HCRTR2: variants seen among roughly 807,000 people sequenced by gnomAD.
HCRTR2 encodes the protein orexin receptor type 2.
A neutral mutation model predicts 49.0 loss-of-function variants in HCRTR2; 22 were observed. The observed-to-expected ratio is 0.45, with a 90% CI of 0.32 to 0.64. HCRTR2 has a LOEUF of 0.64. Among genes scored for constraint, HCRTR2 ranks in the 30% least tolerant of loss-of-function variants. The pLI is 0.04. For synonymous variants in HCRTR2, 236 were observed against 205.3 expected (o/e 1.15, Z -1.28); for missense variants, 491 against 559.4 (o/e 0.88, Z 1.23).
intron 1 of HCRTR2, among the ~76,000 whole-genome samples, chr6:55,210,151 T>C (rs1288624771): frequency 1.3e-5 from 2 of 152,132 alleles, no homozygotes; most frequent in African/African-American, 4.8e-5. Context: ...ATAATAAAAG[T>C]CATATATAAA....
At chr6:55,230,180 A>G (rs994687330) in intron 1 of HCRTR2, among the ~76,000 whole-genome samples, 5 of 152,238 alleles carry the variant, frequency 3.3e-5, no homozygotes, top group Non-Finnish European at 5.9e-5. Flanking sequence ...AACTTTAAAT[A>G]ACTTTCCTTT....
chr6:55,202,173 T>A (rs1765523486), intron 1 of HCRTR2, among the ~76,000 whole-genome samples: 1 of 152,190 alleles, frequency 6.6e-6, no homozygotes, highest in Non-Finnish European at 1.5e-5. Context: ...ACAGCTTTGG[T>A]GATCTTAATA....
At chr6:55,280,073 T>C (rs115997068) in intron 5 of HCRTR2, among the ~76,000 whole-genome samples, 1,584 of 152,290 alleles carry the variant, frequency 0.01, 18 homozygotes, top group Middle Eastern at 0.034. Context: ...CAAGAAATAC[T>C]GCATCTGCTA....
intron 1 of HCRTR2, among the ~76,000 whole-genome samples, chr6:55,205,426 C>A (rs1765583819): frequency 6.6e-6 from 1 of 151,956 alleles, no homozygotes; most frequent in South Asian, 2.1e-4. Context: ...GAGTAATTAG[C>A]TCAAATGCTA....
At chr6:55,161,266 A>G (rs1764801803) in intron 1 of HCRTR2, among the ~76,000 whole-genome samples, 1 of 152,196 alleles carries the variant, frequency 6.6e-6, no homozygotes, top group South Asian at 2.1e-4. Context: ...GCAGAAATAA[A>G]TAAGTTACTT....
At chr6:55,139,281 G>A (rs1464686447) in intron 1 of HCRTR2, among the ~76,000 whole-genome samples, 6 of 152,192 alleles carry the variant, frequency 3.9e-5, no homozygotes, top group African/African-American at 1.4e-4. Context: ...GAGAGACTAA[G>A]TTTATGTTTT....
chr6:55,281,957 A>G (rs1044280237), intron 6 of HCRTR2, among the ~76,000 whole-genome samples: 1 of 152,210 alleles, frequency 6.6e-6, no homozygotes, highest in African/African-American at 2.4e-5. Context: ...ATGCGTAAAT[A>G]TATGAGGTTT....
chr6:55,140,041 C>T (rs546621208), intron 1 of HCRTR2, among the ~76,000 whole-genome samples: 2 of 152,230 alleles, frequency 1.3e-5, no homozygotes, highest in South Asian at 2.1e-4. Flanking sequence ...AGCTGCATCT[C>T]GGGATATGAA....
At chr6:55,142,461 G>T (rs543663076) in intron 1 of HCRTR2, among the ~76,000 whole-genome samples, 2 of 151,350 alleles carry the variant, frequency 1.3e-5, no homozygotes, top group Non-Finnish European at 2.9e-5. Context: ...ACCCGCTTCG[G>T]CCTCTAAAGT....
At chr6:55,244,385 G>T (rs1766391872) in intron 1 of HCRTR2, among the ~76,000 whole-genome samples, 1 of 151,922 alleles carries the variant, frequency 6.6e-6, no homozygotes, top group Non-Finnish European at 1.5e-5. Flanking sequence ...GTACAGACAG[G>T]CACAACGCAT....
intron 1 of HCRTR2, among the ~76,000 whole-genome samples, chr6:55,138,214 T>A (rs1310803581): frequency 7.1e-6 from 1 of 140,146 alleles, no homozygotes; most frequent in Non-Finnish European, 1.5e-5. Flanking sequence ...GAATAGTTAA[T>A]TTTTTTTTGT....
chr6:55,165,743 G>GT (rs1561992718), intron 1 of HCRTR2, among the ~76,000 whole-genome samples: 3,369 of 89,518 alleles, frequency 0.038, 144 homozygotes, highest in South Asian at 0.054. Flanking sequence ...TTAGTATACA[G>GT]AATATATATA....
chr6:55,169,645 G>T (rs1764921588), upstream of HCRTR2, among the ~76,000 whole-genome samples: 2 of 152,124 alleles, frequency 1.3e-5, no homozygotes, highest in African/African-American at 4.8e-5. Flanking sequence ...TTCCTGCAAA[G>T]CTAATGCATT....
In HCRTR2 at chr6:55,241,216, T is replaced by A. The variant is rs138890279; in HGVS notation, c.224-7423T>A. Among the ~76,000 whole-genome samples, 1,423 of 149,326 alleles carry A rather than the reference T, an allele frequency of 9.5e-3. 26 individuals are homozygous for A. Among genetic ancestry groups the A allele is most frequent in the African/African-American group, 0.033 (1,340 of 40,808 alleles). On this transcript the variant is annotated intron_variant, in intron 1 of 6. Coordinates refer to ENST00000370862, the MANE Select transcript of HCRTR2 (RefSeq NM_001384272.1). ...CAATTCCCACCTATGAGTGAGAATATGCGGTGTTTGGTTTTTTGTTCTTGC... is the reference window on the plus strand; with the variant it reads ...CAATTCCCACCTATGAGTGAGAATAAGCGGTGTTTGGTTTTTTGTTCTTGC...
intron 5 of HCRTR2, among the ~76,000 whole-genome samples, chr6:55,278,013 G>T (rs1328084005): frequency 6.6e-6 from 1 of 152,082 alleles, no homozygotes; most frequent in Non-Finnish European, 1.5e-5. Context: ...AGGATAAAAA[G>T]AGATAAGAAC....
intron 1 of HCRTR2, among the ~76,000 whole-genome samples, chr6:55,122,870 A>G (rs1436899595): frequency 1.3e-5 from 2 of 151,164 alleles, no homozygotes; most frequent in Non-Finnish European, 2.9e-5. Flanking sequence ...CGCAAGGACA[A>G]AAAACCAAAC....
chr6:55,155,598 C>T (rs1764719668), intron 1 of HCRTR2, among the ~76,000 whole-genome samples: 1 of 151,964 alleles, frequency 6.6e-6, no homozygotes, highest in Non-Finnish European at 1.5e-5. Context: ...TTCAGAAACA[C>T]TTCTCTGAAT....
At chr6:55,206,228 G>T (rs1765598894) in intron 1 of HCRTR2, among the ~76,000 whole-genome samples, 1 of 151,978 alleles carries the variant, frequency 6.6e-6, no homozygotes, top group Non-Finnish European at 1.5e-5. Context: ...AGTGTGAGTG[G>T]AGTTATACAA....
intron 1 of HCRTR2, among the ~76,000 whole-genome samples, chr6:55,135,225 G>T (rs1764417645): frequency 6.6e-6 from 1 of 152,022 alleles, no homozygotes; most frequent in Non-Finnish European, 1.5e-5. Context: ...TGACTTTGAG[G>T]TCTCATGCTA....
Sources: allele counts gnomAD v4.1 joint callset (sites outside exome capture counted in the v4.1 genomes callset), GRCh38; gene constraint gnomAD v4.1.1; transcripts MANE v1.5; gene names NCBI Gene and HGNC (gene_info 2026-07-23, HGNC 2026-07-21).